Variants in MYT1L observed in about 807,000 individuals in gnomAD.
MYT1L encodes myelin transcription factor 1 like, also known as myelin transcription factor 1-like protein.
MYT1L carries 12 observed loss-of-function variants against 126.7 expected under a neutral mutation model. That is an observed-to-expected ratio of 0.09 (90% CI 0.06 to 0.15). The LOEUF is 0.15. MYT1L is among the 10% of genes least tolerant of loss of function. The probability of loss-of-function intolerance (pLI) is 1.00; values close to 1 mark genes in which losing one functional copy is unlikely to be tolerated. For synonymous variants in MYT1L, 541 were observed against 604.2 expected (o/e 0.90, Z 1.53); for missense variants, 979 against 1,585.2 (o/e 0.62, Z 6.49).
At chr2:1,975,701 TA>T (rs2060121207) in intron 8 of MYT1L, among the ~76,000 whole-genome samples, 1 of 152,150 alleles carries the variant, frequency 6.6e-6, no homozygotes, top group Admixed American at 6.5e-5. Flanking sequence ...CCACCTCTAC[TA>T]AAAATACAAA....
chr2:2,261,369 A>G (rs1205312796), intron 2 of MYT1L, among the ~76,000 whole-genome samples: 1 of 152,236 alleles, frequency 6.6e-6, no homozygotes, highest in Non-Finnish European at 1.5e-5. Context: ...ATGAAGAAAG[A>G]ATATTATAAA....
At chr2:2,204,922 C>A (rs1276695736) in intron 2 of MYT1L, among the ~76,000 whole-genome samples, 2 of 151,706 alleles carry the variant, frequency 1.3e-5, no homozygotes, top group African/African-American at 2.4e-5. Context: ...CCATGGAATA[C>A]TATGCAGCCA....
chr2:2,081,192 T>C (rs17039313), intron 3 of MYT1L, among the ~76,000 whole-genome samples: 8,223 of 152,308 alleles, frequency 0.054, 296 homozygotes, highest in East Asian at 0.2. Flanking sequence ...GGTAAAAATA[T>C]GGACTTCCAC....
At chr2:2,019,145 T>G (rs1196884132) in intron 4 of MYT1L, among the ~76,000 whole-genome samples, 1 of 152,174 alleles carries the variant, frequency 6.6e-6, no homozygotes, top group Non-Finnish European at 1.5e-5. Context: ...CATCTTGAAT[T>G]GTAGCTCTCA....
chr2:2,078,029 A>G (rs2075404345), intron 3 of MYT1L, among the ~76,000 whole-genome samples: 1 of 152,244 alleles, frequency 6.6e-6, no homozygotes, highest in South Asian at 2.1e-4. Flanking sequence ...TAATTTGTAT[A>G]GCAATAATAG....
intron 18 of MYT1L, among the ~76,000 whole-genome samples, chr2:1,882,492 C>G (rs962156187): frequency 6.6e-6 from 1 of 152,208 alleles, no homozygotes; most frequent in Non-Finnish European, 1.5e-5. Flanking sequence ...TGAAATCACA[C>G]AGCTTTCTGT....
chr2:1,938,727 C>A (rs896857534), intron 9 of MYT1L, among the ~76,000 whole-genome samples: 9 of 152,250 alleles, frequency 5.9e-5, no homozygotes, highest in African/African-American at 2.2e-4. Context: ...GAGCTTCTGC[C>A]CTACCCATCT....
At chr2:2,037,254 C>G (rs1449034184) in intron 4 of MYT1L, among the ~76,000 whole-genome samples, 1 of 152,152 alleles carries the variant, frequency 6.6e-6, no homozygotes, top group African/African-American at 2.4e-5. Context: ...TTCTGCCAAC[C>G]TTTCTAAGTT....
intron 21 of MYT1L, among the ~76,000 whole-genome samples, chr2:1,817,816 A>G (rs2037918411): frequency 6.6e-6 from 1 of 152,134 alleles, no homozygotes; most frequent in Non-Finnish European, 1.5e-5. Context: ...GGTGCTTACT[A>G]TTTTACTCAC....
intron 19 of MYT1L, among the ~76,000 whole-genome samples, chr2:1,845,854 T>C (rs766631490): frequency 7.9e-5 from 12 of 152,246 alleles, no homozygotes; most frequent in Non-Finnish European, 1.8e-4. Flanking sequence ...AAATGTGCAT[T>C]GATGTTGGTG....
intron 13 of MYT1L, 67 bp from the exon 14 acceptor site, chr2:1,903,361 A>G: frequency 7.9e-7 from 1 of 1,265,958 alleles, no homozygotes; most frequent in Non-Finnish European, 1.1e-6. Flanking sequence ...CGAGCTTCAC[A>G]TTAAAACTAG....
chr2:2,114,471 A>T (rs1348845812), intron 3 of MYT1L, among the ~76,000 whole-genome samples: 1 of 152,214 alleles, frequency 6.6e-6, no homozygotes, highest in East Asian at 1.9e-4. Context: ...ATAATCGCCC[A>T]GTTTAAGATA....
At chr2:2,175,938 A>C (rs992639157) in intron 2 of MYT1L, among the ~76,000 whole-genome samples, 1 of 152,192 alleles carries the variant, frequency 6.6e-6, no homozygotes, top group African/African-American at 2.4e-5. Flanking sequence ...TGAGATGAAT[A>C]AGCTGCCTGT....
chr2:2,286,893 G>C (rs1045520567), intron 1 of MYT1L, among the ~76,000 whole-genome samples: 1 of 152,192 alleles, frequency 6.6e-6, no homozygotes, highest in Non-Finnish European at 1.5e-5. Flanking sequence ...TAGTGTCAAA[G>C]CGATGTCACT....
At chr2:2,275,569 C>T (rs2149367355) in intron 2 of MYT1L, among the ~76,000 whole-genome samples, 1 of 152,254 alleles carries the variant, frequency 6.6e-6, no homozygotes. Flanking sequence ...CTAGTGTGAG[C>T]TCAGGCCAGT....
At chr2:1,980,333 C>T (rs115703126) in intron 5 of MYT1L, among the ~76,000 whole-genome samples, 28,036 of 147,578 alleles carry the variant, frequency 0.19, 3,902 homozygotes, top group African/African-American at 0.4. Flanking sequence ...TACACACACA[C>T]ATATATATAT....
At chr2:2,049,781 T>G (rs1421913986) in intron 4 of MYT1L, among the ~76,000 whole-genome samples, 1 of 152,184 alleles carries the variant, frequency 6.6e-6, no homozygotes, top group Non-Finnish European at 1.5e-5. Flanking sequence ...TTGGTCCTCA[T>G]TTCTCTCTTG....
chr2:2,151,373 TG>T (rs1374729641), intron 3 of MYT1L, among the ~76,000 whole-genome samples: 6 of 152,102 alleles, frequency 3.9e-5, no homozygotes, highest in African/African-American at 1.4e-4. Context: ...GAAAAACAGC[TG>T]GGGAGGGATG....
chr2:1,815,437 C>A (rs2148067924), intron 21 of MYT1L, among the ~76,000 whole-genome samples: 1 of 152,364 alleles, frequency 6.6e-6, no homozygotes, highest in South Asian at 2.1e-4. Context: ...AGCTCTACCC[C>A]AGCAGGGTCA....
Sources: allele counts gnomAD v4.1 joint callset (sites outside exome capture counted in the v4.1 genomes callset), GRCh38; gene constraint gnomAD v4.1.1; transcripts MANE v1.5; gene names NCBI Gene and HGNC (gene_info 2026-07-23, HGNC 2026-07-21).